The following RBFOX1 variants were observed in gnomAD, a reference collection of about 807,000 sequenced individuals.
RBFOX1 encodes the protein RNA binding fox-1 homolog 1.
A neutral mutation model predicts 57.7 loss-of-function variants in RBFOX1; 8 were observed. That is an observed-to-expected ratio of 0.14 (90% CI 0.08 to 0.25). The LOEUF is 0.25. Among genes scored for constraint, RBFOX1 ranks in the 10% least tolerant of loss-of-function variants. The pLI, the probability that RBFOX1 is intolerant of heterozygous loss-of-function variation, is 1.00. For missense variants in RBFOX1, 611 were observed against 548.5 expected (o/e 1.11, Z -1.14); for synonymous variants, 326 against 222.4 (o/e 1.47, Z -4.15).
chr16:6,630,211 C>A (rs1440671128), intron 2 of RBFOX1, among the ~76,000 whole-genome samples: 2 of 152,130 alleles, frequency 1.3e-5, no homozygotes, highest in Non-Finnish European at 2.9e-5. Context: ...ATTCCCCTGT[C>A]TGTGACAGAG....
intron 5 of RBFOX1, among the ~76,000 whole-genome samples, chr16:7,574,325 T>A (rs917641815): frequency 6.6e-6 from 1 of 152,220 alleles, no homozygotes; most frequent in African/African-American, 2.4e-5. Flanking sequence ...GGGAAAGAAC[T>A]AATAAAATAG....
At chr16:7,036,340 G>C (rs577028408) in intron 3 of RBFOX1, among the ~76,000 whole-genome samples, 1 of 151,940 alleles carries the variant, frequency 6.6e-6, no homozygotes, top group South Asian at 2.1e-4. Context: ...TCACAATCTT[G>C]GTTTTCTACC....
intron 4 of RBFOX1, among the ~76,000 whole-genome samples, chr16:7,429,429 C>G (rs946787390): frequency 1.3e-5 from 2 of 152,220 alleles, no homozygotes; most frequent in African/African-American, 4.8e-5. Context: ...AGTGATCCTG[C>G]CCAGCCAACT....
At chr16:6,091,977 G>T (rs1351750979) in intron 1 of RBFOX1, among the ~76,000 whole-genome samples, 3 of 152,108 alleles carry the variant, frequency 2.0e-5, no homozygotes, top group African/African-American at 7.2e-5. Context: ...CTATGTGTCT[G>T]TCCATTCATC....
At chr16:6,361,099 A>G (rs2088411659) in intron 2 of RBFOX1, among the ~76,000 whole-genome samples, 1 of 152,148 alleles carries the variant, frequency 6.6e-6, no homozygotes, top group Non-Finnish European at 1.5e-5. Flanking sequence ...ATGCATTGCC[A>G]CTTTCTCATA....
At chr16:7,069,317 G>A (rs1415765378) in intron 4 of RBFOX1, among the ~76,000 whole-genome samples, 1 of 152,204 alleles carries the variant, frequency 6.6e-6, no homozygotes, top group Non-Finnish European at 1.5e-5. Context: ...TAAGCCCTGC[G>A]TGCATTAGCT....
intron 2 of RBFOX1, among the ~76,000 whole-genome samples, chr16:6,484,378 C>T (rs2095429307): frequency 1.3e-5 from 2 of 152,178 alleles, no homozygotes; most frequent in Admixed American, 6.5e-5. Flanking sequence ...TTCATCTTCT[C>T]TGCCTGTTTC....
intron 1 of RBFOX1, among the ~76,000 whole-genome samples, chr16:6,098,452 C>T (rs1330543165): frequency 6.6e-6 from 1 of 152,226 alleles, no homozygotes; most frequent in Non-Finnish European, 1.5e-5. Context: ...GTCTTTAACC[C>T]CAGCCTCGGG....
In RBFOX1 at chr16:7,354,018, C is replaced by G. The variant is rs373244466; in HGVS notation, c.28-164129C>G. 4.6e-5 allele frequency among the ~76,000 whole-genome samples: 7 copies of G among 152,200 alleles called. No homozygotes were observed. In the South Asian group the frequency reaches 1.0e-3, roughly 23 times the overall value. On this transcript the variant is annotated intron_variant, in intron 4 of 15. Transcript: ENST00000550418. ...ACAGACTCTTGCTCTGTCACTCAGG[C>G]TGGAGTGCAGTGGCATGATCTGGGC...
At chr16:5,615,141 A>G (rs1004659463) in intron 3 of RBFOX1, among the ~76,000 whole-genome samples, 2 of 152,202 alleles carry the variant, frequency 1.3e-5, no homozygotes, top group East Asian at 1.9e-4. Context: ...CTTAAGTGAT[A>G]TTTCCATCCC....
intron 4 of RBFOX1, among the ~76,000 whole-genome samples, chr16:7,493,729 C>T (rs1642806100): frequency 6.6e-6 from 1 of 152,210 alleles, no homozygotes; most frequent in South Asian, 2.1e-4. Flanking sequence ...CTCTCAGAGC[C>T]TCCAGAGCCC....
intron 4 of RBFOX1, among the ~76,000 whole-genome samples, chr16:7,472,013 A>C (rs971635105): frequency 2.0e-5 from 3 of 152,224 alleles, no homozygotes; most frequent in Non-Finnish European, 4.4e-5. Context: ...GTAGTGGAAC[A>C]ATTGGTGAAC....
At position 6,785,676 on chromosome 16, in the gene RBFOX1, T is replaced by C. The variant is rs907473594; in HGVS notation, c.-16+131026T>C. Among the ~76,000 whole-genome samples, 5 of 152,348 alleles carry C rather than the reference T, an allele frequency of 3.3e-5. No homozygotes were observed. In the East Asian group the frequency reaches 7.7e-4, roughly 24 times the overall value. On this transcript the variant is annotated intron_variant, in intron 3 of 15. Coordinates refer to ENST00000550418, the MANE Select transcript of RBFOX1 (RefSeq NM_018723.4). Reference sequence around the variant, plus strand: ...ATTTATTTCCACGTTCCATGTACCATGTTCCATGTGAGCATGTTACAGCCA... The same window carrying C: ...ATTTATTTCCACGTTCCATGTACCACGTTCCATGTGAGCATGTTACAGCCA...
At chr16:6,490,586 G>A (rs1467423903) in intron 2 of RBFOX1, among the ~76,000 whole-genome samples, 2 of 152,204 alleles carry the variant, frequency 1.3e-5, no homozygotes, top group African/African-American at 4.8e-5. Context: ...GCTCAGAGAT[G>A]ATTAAGCACA....
intron 5 of RBFOX1, among the ~76,000 whole-genome samples, chr16:7,564,962 G>A (rs1027983734): frequency 3.9e-5 from 6 of 152,238 alleles, no homozygotes; most frequent in East Asian, 1.9e-4. Context: ...TCACCTGGCC[G>A]TGGAATCAGC....
intron 4 of RBFOX1, among the ~76,000 whole-genome samples, chr16:7,237,052 A>T (rs1042274100): frequency 6.6e-6 from 1 of 152,182 alleles, no homozygotes; most frequent in African/African-American, 2.4e-5. Context: ...CAAGAGAGGA[A>T]TTCAGGAGAG....
chr16:6,000,492 C>T (rs903754885), intron 4 of RBFOX1, among the ~76,000 whole-genome samples: 1 of 152,136 alleles, frequency 6.6e-6, no homozygotes, highest in African/African-American at 2.4e-5. Flanking sequence ...CCCGTGCATG[C>T]CTGTCTTGTG....
At chr16:5,352,738 T>C (rs1364494887) in intron 1 of RBFOX1, among the ~76,000 whole-genome samples, 1 of 151,730 alleles carries the variant, frequency 6.6e-6, no homozygotes, top group Admixed American at 6.6e-5. Flanking sequence ...AGCCCAGGAG[T>C]TTAAAATCAG....
intron 14 of RBFOX1, among the ~76,000 whole-genome samples, chr16:7,701,181 T>C (rs548914984): frequency 2.0e-5 from 3 of 152,114 alleles, no homozygotes; most frequent in African/African-American, 4.8e-5. Flanking sequence ...CAAGTAGAGA[T>C]GACTCCATGT....
Sources: allele counts gnomAD v4.1 joint callset (sites outside exome capture counted in the v4.1 genomes callset), GRCh38; gene constraint gnomAD v4.1.1; transcripts MANE v1.5; gene names NCBI Gene and HGNC (gene_info 2026-07-23, HGNC 2026-07-21).